Variants in BMPR1B observed in about 807,000 individuals in gnomAD.
BMPR1B encodes the protein bone morphogenetic protein receptor type-1B.
Under a neutral mutation model 59.1 loss-of-function variants are expected in BMPR1B, and 12 were observed. The observed-to-expected ratio is 0.20, with a 90% CI of 0.13 to 0.33. The LOEUF (loss-of-function observed/expected upper bound fraction) is 0.33. BMPR1B is among the 10% of genes least tolerant of loss of function. BMPR1B has a pLI of 1.00. For missense variants in BMPR1B, 550 were observed against 610.9 expected (o/e 0.90, Z 1.05); for synonymous variants, 237 against 207.3 (o/e 1.14, Z -1.23).
At chr4:94,771,416 G>C (rs972146546) in intron 1 of BMPR1B, among the ~76,000 whole-genome samples, 3 of 152,130 alleles carry the variant, frequency 2.0e-5, no homozygotes, top group Non-Finnish European at 2.9e-5. Context: ...TGGTTCATGA[G>C]CTTGAAAGAC....
intron 10 of BMPR1B, among the ~76,000 whole-genome samples, chr4:95,147,876 G>A (rs892315628): frequency 1.4e-4 from 21 of 152,090 alleles, no homozygotes; most frequent in African/African-American, 4.6e-4. Context: ...TGGAACTGTG[G>A]CTCCAGCTCA....
intron 1 of BMPR1B, among the ~76,000 whole-genome samples, chr4:94,848,671 C>T (rs1725441060): frequency 6.6e-6 from 1 of 152,056 alleles, no homozygotes; most frequent in African/African-American, 2.4e-5. Flanking sequence ...TATGAACTAT[C>T]ATTGATGATT....
At chr4:94,840,951 T>C (rs1725034558) in intron 1 of BMPR1B, among the ~76,000 whole-genome samples, 1 of 146,902 alleles carries the variant, frequency 6.8e-6, no homozygotes, top group Admixed American at 6.7e-5. Context: ...GGTGTGGATG[T>C]CCTTTCTGTT....
intron 3 of BMPR1B, among the ~76,000 whole-genome samples, chr4:95,015,984 C>G (rs1034476392): frequency 3.3e-5 from 5 of 152,174 alleles, no homozygotes; most frequent in African/African-American, 1.2e-4. Context: ...AGCCACCGCG[C>G]CGGCTGGAAC....
At chr4:95,091,709 C>CA (rs1730003002) in intron 3 of BMPR1B, 14 of 937,764 alleles carry the variant, frequency 1.5e-5, no homozygotes, top group Non-Finnish European at 1.8e-5. Flanking sequence ...TGAGTAAAGC[C>CA]AATTCTGGCA....
At chr4:95,080,103 G>C (rs1173319586) in intron 3 of BMPR1B, among the ~76,000 whole-genome samples, 1 of 152,016 alleles carries the variant, frequency 6.6e-6, no homozygotes, top group South Asian at 2.1e-4. Flanking sequence ...ATCTCAAGAG[G>C]TTCAAAAATT....
chr4:94,831,616 A>T (rs1230151092), intron 1 of BMPR1B, among the ~76,000 whole-genome samples: 1 of 152,120 alleles, frequency 6.6e-6, no homozygotes, highest in Non-Finnish European at 1.5e-5. Flanking sequence ...ATTTATTTTT[A>T]CTGTACCTTT....
At chr4:94,924,743 T>C (rs1728820437) in intron 2 of BMPR1B, among the ~76,000 whole-genome samples, 1 of 152,146 alleles carries the variant, frequency 6.6e-6, no homozygotes, top group African/African-American at 2.4e-5. Flanking sequence ...ATGTGTGTCA[T>C]ACAGTGACAC....
chr4:94,883,357 C>T (rs739729), intron 2 of BMPR1B, among the ~76,000 whole-genome samples: 26,773 of 152,058 alleles, frequency 0.18, 2,489 homozygotes, highest in South Asian at 0.22. Flanking sequence ...TTTTTGCATC[C>T]TATCATGTTA....
intron 4 of BMPR1B, among the ~76,000 whole-genome samples, chr4:95,112,272 G>A (rs1333588465): frequency 6.6e-6 from 1 of 151,836 alleles, no homozygotes; most frequent in African/African-American, 2.4e-5. Context: ...CTCTGGGAAC[G>A]AGGGTAACAA....
intron 3 of BMPR1B, 190 bp from the exon 4 acceptor site, chr4:95,104,218 A>T: frequency 3.2e-6 from 2 of 633,648 alleles, no homozygotes; most frequent in South Asian, 4.1e-5. Context: ...GTCTTTCTTT[A>T]TTCTGTATGA....
intron 3 of BMPR1B, among the ~76,000 whole-genome samples, chr4:95,089,804 C>A (rs1158822895): frequency 1.3e-5 from 2 of 151,994 alleles, no homozygotes; most frequent in Admixed American, 6.6e-5. Flanking sequence ...GATGGTGGTT[C>A]AGTATTTCAG....
At chr4:94,909,652 C>T (rs1728199639) in intron 2 of BMPR1B, among the ~76,000 whole-genome samples, 3 of 152,030 alleles carry the variant, frequency 2.0e-5, no homozygotes, top group Admixed American at 2.0e-4. Context: ...ATCCCTCCTC[C>T]TCCCTCTTCC....
chr4:95,012,155 ATGGACAT>A (rs1723269438), intron 3 of BMPR1B, among the ~76,000 whole-genome samples: 1 of 152,234 alleles, frequency 6.6e-6, no homozygotes, highest in Non-Finnish European at 1.5e-5. Context: ...AGTAGGAAAA[ATGGACAT>A]TGCTCTTTAA....
chr4:94,775,964 G>A (rs1278401052), intron 1 of BMPR1B, among the ~76,000 whole-genome samples: 1 of 151,984 alleles, frequency 6.6e-6, no homozygotes, highest in Non-Finnish European at 1.5e-5. Context: ...GATGGTGGTC[G>A]CCTGTAGTCC....
intron 3 of BMPR1B, among the ~76,000 whole-genome samples, chr4:95,032,117 C>T (rs544770962): frequency 5.1e-4 from 77 of 152,132 alleles, no homozygotes; most frequent in Admixed American, 5.0e-3. Flanking sequence ...AGACAACAGA[C>T]GTTTATTTTT....
intron 2 of BMPR1B, among the ~76,000 whole-genome samples, chr4:94,897,398 T>G (rs1334701783): frequency 6.6e-6 from 1 of 152,112 alleles, no homozygotes; most frequent in African/African-American, 2.4e-5. Context: ...ATTTTGGCTG[T>G]TAAGGTACTG....
chr4:95,065,486 G>A (rs143240921), intron 3 of BMPR1B, among the ~76,000 whole-genome samples: 270 of 152,232 alleles, frequency 1.8e-3, no homozygotes, highest in Non-Finnish European at 2.8e-3. Flanking sequence ...ATTCATAGGC[G>A]TGATAATCAA....
chr4:94,930,801 A>G (rs1729069528), intron 2 of BMPR1B, among the ~76,000 whole-genome samples: 1 of 152,166 alleles, frequency 6.6e-6, no homozygotes, highest in African/African-American at 2.4e-5. Flanking sequence ...AAGATATATC[A>G]TAGAAATATG....
Sources: allele counts gnomAD v4.1 joint callset (sites outside exome capture counted in the v4.1 genomes callset), GRCh38; gene constraint gnomAD v4.1.1; transcripts MANE v1.5; gene names NCBI Gene and HGNC (gene_info 2026-07-23, HGNC 2026-07-21).